The following SEC62 variants were observed in gnomAD, a reference collection of about 807,000 sequenced individuals.
SEC62 encodes the protein SEC62 preprotein translocation factor, also known as translocation protein SEC62.
SEC62 carries 10 observed loss-of-function variants against 47.5 expected under a neutral mutation model. The ratio of observed to expected loss-of-function variants is 0.21; its 90% confidence interval spans 0.13 to 0.36. The LOEUF (loss-of-function observed/expected upper bound fraction) is 0.36. Among genes scored for constraint, SEC62 ranks in the 10% least tolerant of loss-of-function variants. The pLI, the probability that SEC62 is intolerant of heterozygous loss-of-function variation, is 1.00. For missense variants in SEC62, 327 were observed against 464.1 expected (o/e 0.70, Z 2.71); for synonymous variants, 136 against 150.5 (o/e 0.90, Z 0.71).
chr3:169,990,529 T>G (rs1436392349), intron 7 of SEC62, among the ~76,000 whole-genome samples: 2 of 152,184 alleles, frequency 1.3e-5, no homozygotes, highest in Non-Finnish European at 2.9e-5. Flanking sequence ...ACCATTTGTA[T>G]GTGATAAGAA....
intron 1 of SEC62, among the ~76,000 whole-genome samples, chr3:169,972,356 A>T (rs75386568): frequency 0.029 from 4,376 of 152,140 alleles, 228 homozygotes; most frequent in African/African-American, 0.1. Context: ...CAGTCAGTTT[A>T]CCCAAAACTT....
chr3:169,975,305 A>G lies in SEC62; in HGVS notation c.37-303A>G, dbSNP rs949602556. The G allele has an allele frequency of 1.3e-4, 25 of 193,764 alleles. No homozygotes were observed. In the East Asian group the frequency reaches 3.0e-3, roughly 23 times the overall value. 12.0% of individuals were successfully genotyped at this position (193,764 alleles called of 1,614,324 possible). A position where few individuals can be genotyped will look rare whatever the true frequency, so the allele number is the denominator to read the frequency against. On this transcript the variant is annotated intron_variant, in intron 1 of 7. Coordinates refer to ENST00000337002, the MANE Select transcript of SEC62 (RefSeq NM_003262.4). Reference sequence around the variant, plus strand: ...CAAAAAAAAAAAAAAAAAAGACCGTATAAGAATGAAAGTGAACTGGTACAA... The same window carrying G: ...CAAAAAAAAAAAAAAAAAAGACCGTGTAAGAATGAAAGTGAACTGGTACAA...
chr3:169,972,173 C>G (rs534156334), intron 1 of SEC62, among the ~76,000 whole-genome samples: 1 of 152,268 alleles, frequency 6.6e-6, no homozygotes, highest in African/African-American at 2.4e-5. Context: ...CTAGTTATGT[C>G]CTATTAAGAA....
chr3:169,968,761 C>CTA (rs1191184679), intron 1 of SEC62, among the ~76,000 whole-genome samples: 3 of 152,084 alleles, frequency 2.0e-5, no homozygotes, highest in Non-Finnish European at 4.4e-5. Flanking sequence ...ATTCAGTAAA[C>CTA]TATTAGGTTG....
At chr3:169,971,829 T>C (rs1200933479) in intron 1 of SEC62, among the ~76,000 whole-genome samples, 1 of 152,222 alleles carries the variant, frequency 6.6e-6, no homozygotes, top group African/African-American at 2.4e-5. Flanking sequence ...TCAGGAATGG[T>C]ATAACTGAGT....
chr3:169,966,845 A>G lies in SEC62; in HGVS notation c.23A>G (p.Lys8Arg), dbSNP rs1714535119. The change falls in exon 1 of 8, where the codon AAG (lysine) becomes AGG (arginine). Residue 8 changes from lysine to arginine, a missense_variant. Physicochemically the swap from Lys to Arg is conservative, Grantham distance 26. Around this residue, in one of 3 missense-constraint regions of SEC62, gnomAD observed 126 missense variants for 161.2 expected, o/e 0.78. Transcript: ENST00000337002. ...AACATGGCGGAACGCAGGAGACACA[A>G]GAAGCGGATCCAGGTAGCAAAGCCG... The part of the protein sequence containing the change: MAERRRH[K>R]KRIQEVGEPS... 6.4e-7 allele frequency: 1 copy of G among 1,556,534 alleles called. No individual in the cohort carries two copies. Among genetic ancestry groups the G allele is most frequent in the Non-Finnish European group, 8.7e-7 (1 of 1,149,816 alleles).
chr3:169,988,770 A>G (rs1013428929), intron 7 of SEC62, among the ~76,000 whole-genome samples: 7 of 152,200 alleles, frequency 4.6e-5, no homozygotes, highest in Admixed American at 4.6e-4. Context: ...ATACATTATT[A>G]TATCTTAATC....
chr3:169,987,959 ATAAAT>A (rs1001093892), intron 6 of SEC62, among the ~76,000 whole-genome samples: 5 of 152,214 alleles, frequency 3.3e-5, no homozygotes, highest in African/African-American at 7.2e-5. Context: ...GGGGCAGTTG[ATAAAT>A]TAAGGAGGCA....
In SEC62 at chr3:169,993,649, A is replaced by G. The variant is rs191894495; in HGVS notation, c.*586A>G. On this transcript the variant is annotated 3_prime_UTR_variant, in exon 8 of 8. Transcript: ENST00000337002. ...CTGGTTTAGCTAAATTATTTTTCCA[A>G]TGTAGGAAATCCACACTGATTTGTA... The G allele has an allele frequency of 7.0e-4, 107 of 152,824 alleles. 1 individual carries two copies. The highest frequency in any genetic ancestry group is 1.2e-3 in the Admixed American group (18 of 15,296). The allele number at this position is 152,824 out of a possible 1,614,324, so 9.5% of individuals were successfully genotyped here.
intron 6 of SEC62, 40 bp downstream of exon 6, chr3:169,985,905 A>G: frequency 7.1e-7 from 1 of 1,409,060 alleles, no homozygotes; most frequent in African/African-American, 1.4e-5. Context: ...GTGCAATCTA[A>G]AATTTAGAAA....
rs1158420255 is a variant in SEC62 at position 169,994,681 on chromosome 3, A to G, written c.*1618A>G. On this transcript the variant is annotated 3_prime_UTR_variant, in exon 8 of 8. Coordinates refer to ENST00000337002, the MANE Select transcript of SEC62 (RefSeq NM_003262.4). ...AGCTCTACTACTTCATTTCCACAGT[A>G]AGCATATATATAATGATCACTTCTG... 6.6e-6 allele frequency: 1 copy of G among 152,156 alleles called. No individual in the cohort carries two copies. The highest frequency in any genetic ancestry group is 2.4e-5 in the African/African-American group (1 of 41,452). 9.4% of individuals were successfully genotyped at this position (152,156 alleles called of 1,614,324 possible).
In SEC62 at chr3:169,994,651, T is replaced by G. The variant is rs903955182; in HGVS notation, c.*1588T>G. 1 of 152,168 alleles carries G rather than the reference T, an allele frequency of 6.6e-6. No homozygotes were observed. The highest frequency in any genetic ancestry group is 2.4e-5 in the African/African-American group (1 of 41,458). The allele number at this position is 152,168 out of a possible 1,614,324, so 9.4% of individuals were successfully genotyped here. A position where few individuals can be genotyped will look rare whatever the true frequency, so the allele number is the denominator to read the frequency against. On this transcript the variant is annotated 3_prime_UTR_variant, in exon 8 of 8. Transcript: ENST00000337002. ...TGCCTGGGTATTTTCCCGTCCCATT[T>G]GCAGAGCTCTACTACTTCATTTCCA...
At chr3:169,985,691 C>A in intron 5 of SEC62, 114 bp from the exon 6 acceptor site, 1 of 633,024 alleles carries the variant, frequency 1.6e-6, no homozygotes, top group Non-Finnish European at 2.6e-6. Context: ...GAAATTACTT[C>A]TCGTATGTTA....
Position 169,994,583 on chromosome 3 carries a change from CTT to C in SEC62, c.*1522_*1523del, listed in dbSNP as rs1553763023. 6 of 152,284 alleles carry C rather than the reference CTT, an allele frequency of 3.9e-5. No homozygotes were observed. Among genetic ancestry groups the C allele is most frequent in the Non-Finnish European group, 8.8e-5 (6 of 68,008 alleles). The allele number at this position is 152,284 out of a possible 1,614,324, so 9.4% of individuals were successfully genotyped here. A position where few individuals can be genotyped will look rare whatever the true frequency, so the allele number is the denominator to read the frequency against. ...TGCAACTATGTCAAGGCTGCAATCACTTTAATAGTTTCTTTTTAGCAAATAAA... is the reference window on the plus strand; with the variant it reads ...TGCAACTATGTCAAGGCTGCAATCACTAATAGTTTCTTTTTAGCAAATAAA... On this transcript the variant is annotated 3_prime_UTR_variant, in exon 8 of 8. Coordinates refer to ENST00000337002, the MANE Select transcript of SEC62 (RefSeq NM_003262.4).
intron 1 of SEC62, among the ~76,000 whole-genome samples, chr3:169,974,878 G>T (rs1714793187): frequency 6.6e-6 from 1 of 152,134 alleles, no homozygotes; most frequent in Non-Finnish European, 1.5e-5. Context: ...CATATCTTTG[G>T]CTGTTATTTT....
intron 7 of SEC62, among the ~76,000 whole-genome samples, chr3:169,990,679 C>G (rs1428873540): frequency 6.6e-6 from 1 of 152,110 alleles, no homozygotes; most frequent in Non-Finnish European, 1.5e-5. Flanking sequence ...TCCTTAAATT[C>G]ATTATCTCTG....
intron 6 of SEC62, among the ~76,000 whole-genome samples, chr3:169,986,541 A>AT (rs973566836): frequency 1.0e-3 from 154 of 152,042 alleles, no homozygotes; most frequent in African/African-American, 3.7e-3. Context: ...CCTAGAATAG[A>AT]TAAAAAAAGA....
In SEC62 at chr3:169,996,726, C is replaced by G. The variant is rs1336642365; in HGVS notation, c.*3663C>G. The G allele has an allele frequency of 2.0e-5, 3 of 152,352 alleles. No individual in the cohort carries two copies. The highest frequency in any genetic ancestry group is 7.2e-5 in the African/African-American group (3 of 41,440). The allele number at this position is 152,352 out of a possible 1,614,324, so 9.4% of individuals were successfully genotyped here. ...AGCCAAAGGTCACTTCTCCCAAACT[C>G]CTTCCCTGCTTTCCAGGTTGCCAGT... On this transcript the variant is annotated 3_prime_UTR_variant, in exon 8 of 8. Transcript: ENST00000337002.
intron 1 of SEC62, chr3:169,975,302 C>T (rs570552192): frequency 1.3e-4 from 23 of 180,344 alleles, no homozygotes; most frequent in African/African-American, 5.0e-4. Context: ...AAAAAAAGAC[C>T]GTATAAGAAT....
Sources: gnomAD v4.1 joint callset for allele counts (sites outside exome capture counted in the v4.1 genomes callset) on GRCh38, gnomAD v4.1.1 for gene constraint, gnomAD v4.1.1 regional missense constraint, MANE v1.5 for transcripts, NCBI Gene and HGNC (gene_info 2026-07-23, HGNC 2026-07-21) for gene names.